CNBP: variants seen among roughly 807,000 people sequenced by gnomAD.
CNBP encodes the protein cellular nucleic acid-binding protein.
In CNBP, 6 loss-of-function variants were observed where a neutral mutation model predicts 21.2. The ratio of observed to expected loss-of-function variants is 0.28; its 90% CI spans 0.16 to 0.56. CNBP has a LOEUF of 0.56. Ranked by LOEUF, CNBP falls within the 20% of genes least tolerant of loss-of-function variation. The pLI, the probability that CNBP is intolerant of heterozygous loss-of-function variation, is 0.93. For synonymous variants in CNBP, 61 were observed against 74.9 expected, an observed-to-expected ratio of 0.81 and a Z score of 0.96; for missense variants, 112 against 233.1, an observed-to-expected ratio of 0.48 and a Z score of 3.38.
At chr3:129,177,447 A>G (rs1937986078) in intron 1 of CNBP, among the ~76,000 whole-genome samples, 1 of 152,260 alleles carries the variant, frequency 6.6e-6, no homozygotes. Context: ...AAGGGAAATA[A>G]TAAAACTGAT....
chr3:129,172,636 GCAGGCAGGCAGGCAGGCAGGCAGACAGA>G (rs1458257345), intron 1 of CNBP, among the ~76,000 whole-genome samples: 4 of 46,396 alleles, frequency 8.6e-5, no homozygotes, highest in Admixed American at 2.0e-4. Context: ...AGGCAGGCAG[GCAGGCAGGCAGGCAGGCAGGCAGACAGA>G]CAGACAGACA....
At chr3:129,171,982 T>G (rs750720475) in intron 1 of CNBP, among the ~76,000 whole-genome samples, 2 of 152,034 alleles carry the variant, frequency 1.3e-5, no homozygotes, top group Non-Finnish European at 2.9e-5. Flanking sequence ...CCATCTTGGC[T>G]AACATGGTGA....
At position 129,169,955 on chromosome 3, in the gene CNBP, C is replaced by A; in HGVS notation, c.*498G>T. ...AACAGCCATTAACACGCATGTTTAT[C>A]TTTTTGTTTACTCCCACTCAACTGT... On this transcript the variant is annotated 3_prime_UTR_variant, in exon 5 of 5. Transcript: ENST00000422453. 1 of 232,584 alleles carries A rather than the reference C, an allele frequency of 4.3e-6. No homozygotes were observed. The highest frequency in any genetic ancestry group is 8.5e-6 in the Non-Finnish European group (1 of 117,482). The allele number at this position is 232,584 out of a possible 1,614,324, so 14.4% of individuals were successfully genotyped here.
chr3:129,172,660 A>AGGCAGGCAGGCAGGCAGGCAGG, intron 1 of CNBP, among the ~76,000 whole-genome samples: 1 of 113,770 alleles, frequency 8.8e-6, no homozygotes, highest in African/African-American at 3.4e-5. Context: ...AGGCAGGCAG[A>AGGCAGGCAGGCAGGCAGGCAGG]CAGACAGACA....
At chr3:129,182,655 C>T (rs1938381515) in intron 1 of CNBP, among the ~76,000 whole-genome samples, 1 of 152,166 alleles carries the variant, frequency 6.6e-6, no homozygotes, top group Non-Finnish European at 1.5e-5. Context: ...TGCAGACTAC[C>T]GCCCGCTGCT....
In CNBP at chr3:129,170,560, T is replaced by A; in HGVS notation, c.427A>T (p.Thr143Ser). Residue 143 changes from threonine (T) to serine (S), a missense_variant, in exon 5 of 5, where the codon ACT (threonine) becomes TCT (serine). Thr to Ser is a moderately conservative substitution (Grantham distance 58). Coordinates refer to ENST00000422453, the MANE Select transcript of CNBP (RefSeq NM_003418.5). ...CTGCAGTTGATGGCTACATGACCAGTTTCACCACACCTAAAAAAGAAATTA... is the reference window on the plus strand; with the variant it reads ...CTGCAGTTGATGGCTACATGACCAGATTCACCACACCTAAAAAAGAAATTA... ...TKVKCYRCGETGHVAINCSKT... is the reference protein window; with the variant it reads ...TKVKCYRCGESGHVAINCSKT... 6.2e-7 allele frequency: 1 copy of A among 1,613,906 alleles called. No homozygotes were observed. Among genetic ancestry groups the A allele is most frequent in the South Asian group, 1.1e-5 (1 of 91,074 alleles).
chr3:129,179,475 T>C (rs1004013112), intron 1 of CNBP, among the ~76,000 whole-genome samples: 4 of 152,010 alleles, frequency 2.6e-5, no homozygotes, highest in Admixed American at 2.6e-4. Context: ...TCTTGAAGAG[T>C]TTTAACAGCT....
chr3:129,173,465 T>G (rs1481185974), intron 1 of CNBP, among the ~76,000 whole-genome samples: 4 of 152,226 alleles, frequency 2.6e-5, no homozygotes, highest in Non-Finnish European at 5.9e-5. Flanking sequence ...TGGCAACATT[T>G]GTGTTTTGTT....
At chr3:129,182,960 T>C (rs935911376) in intron 1 of CNBP, among the ~76,000 whole-genome samples, 3 of 151,748 alleles carry the variant, frequency 2.0e-5, no homozygotes, top group Non-Finnish European at 4.4e-5. Flanking sequence ...GTTTGTTTGT[T>C]TGTTTTTTTA....
chr3:129,178,385 A>C, intron 1 of CNBP, among the ~76,000 whole-genome samples: 1 of 152,210 alleles, frequency 6.6e-6, no homozygotes, highest in East Asian at 1.9e-4. Context: ...ATCTAACAGT[A>C]TGTGGTCAAG....
Position 129,170,352 on chromosome 3 carries a change from TG to T in CNBP, c.*100del. On this transcript the variant is annotated 3_prime_UTR_variant, in exon 5 of 5. Coordinates refer to ENST00000422453, the MANE Select transcript of CNBP (RefSeq NM_003418.5). ...ACACGGCAAGTAAAGCTCACTGGCCTGGGAGTTGCCTCTATCTGCCAACCTT... is the reference window on the plus strand; with the variant it reads ...ACACGGCAAGTAAAGCTCACTGGCCTGGAGTTGCCTCTATCTGCCAACCTT... 1.0e-6 allele frequency: 1 copy of T among 961,328 alleles called. No individual in the cohort carries two copies. Among genetic ancestry groups the T allele is most frequent in the Non-Finnish European group, 1.7e-6 (1 of 596,544 alleles). The allele number at this position is 961,328 out of a possible 1,614,324, so 59.5% of individuals were successfully genotyped here. A position where few individuals can be genotyped will look rare whatever the true frequency, so the allele number is the denominator to read the frequency against.
At chr3:129,175,759 G>A (rs1030698613) in intron 1 of CNBP, among the ~76,000 whole-genome samples, 10 of 152,130 alleles carry the variant, frequency 6.6e-5, no homozygotes, top group African/African-American at 2.4e-4. Context: ...ACATAATTTT[G>A]TTTACTAGAG....
intron 1 of CNBP, among the ~76,000 whole-genome samples, chr3:129,176,956 T>C (rs1037524618): frequency 6.6e-6 from 1 of 152,118 alleles, no homozygotes; most frequent in Admixed American, 6.6e-5. Flanking sequence ...AAATTAGATT[T>C]CAGATTATCT....
rs1355831775 is a variant in CNBP, at chr3:129,181,652, A to AAAAAAAAAAAAAAG, written c.-15+2123_-15+2124insCTTTTTTTTTTTTT. On this transcript the variant is annotated intron_variant, in intron 1 of 4. Coordinates refer to ENST00000422453, the MANE Select transcript of CNBP (RefSeq NM_003418.5). ...GCGACAGAGTGAGACTCCGTCTCAGAAAAAAAAAAAGAAAAACCCCTGGTC... is the reference window on the plus strand; with the variant it reads ...GCGACAGAGTGAGACTCCGTCTCAGAAAAAAAAAAAAAAGAAAAAAAAAAGAAAAACCCCTGGTC... Among the ~76,000 whole-genome samples the AAAAAAAAAAAAAAG allele has an allele frequency of 4.0e-5, 6 of 148,326 alleles. 1 individual carries two copies. Among genetic ancestry groups the AAAAAAAAAAAAAAG allele is most frequent in the Non-Finnish European group, 7.5e-5 (5 of 67,060 alleles).
At chr3:129,172,624 C>A (rs55708962) in intron 1 of CNBP, among the ~76,000 whole-genome samples, 3,220 of 55,962 alleles carry the variant, frequency 0.058, 179 homozygotes, top group East Asian at 0.21. Flanking sequence ...AGACAGGCAG[C>A]CAGGCAGGCA....
Position 129,171,161 on chromosome 3 carries a change from C to T in CNBP, c.334G>A (p.Asp112Asn), listed in dbSNP as rs748114678. Residue 112 changes from aspartate (D) to asparagine (N), a missense_variant, in exon 4 of 5, where the codon GAC (aspartate) becomes AAC (asparagine). Coordinates refer to ENST00000422453, the MANE Select transcript of CNBP (RefSeq NM_003418.5). ...GKPGHLARDC[D>N]HADEQKCYSC... ...TAGCATTTCTGCTCATCTGCATGGTCGCAGTCACGAGCCAGATGGCCTGGT... is the reference window on the plus strand; with the variant it reads ...TAGCATTTCTGCTCATCTGCATGGTTGCAGTCACGAGCCAGATGGCCTGGT... The T allele has an allele frequency of 4.3e-6, 7 of 1,614,098 alleles. No individual in the cohort carries two copies. The highest frequency in any genetic ancestry group is 4.5e-5 in the East Asian group (2 of 44,902).
rs143447614 is a variant in CNBP, at chr3:129,168,940, C to A, written c.*1513G>T. The stretch of plus-strand genomic sequence containing the variant: ...TGAAACCCCGTCTTTACTAAAAATA[C>A]AAAAAAAAAAAATTAGCTGGGCGCG... On this transcript the variant is annotated 3_prime_UTR_variant, in exon 5 of 5. Transcript: ENST00000422453. Among the ~76,000 whole-genome samples, 19 of 144,032 alleles carry A rather than the reference C, an allele frequency of 1.3e-4. No homozygotes were observed. Among genetic ancestry groups the A allele is most frequent in the Non-Finnish European group, 1.7e-4 (11 of 66,172 alleles). The allele number at this position is 144,032 out of a possible 152,430, so 94.5% of individuals were successfully genotyped here.
chr3:129,177,330 A>G (rs1937975805), intron 1 of CNBP, among the ~76,000 whole-genome samples: 1 of 152,162 alleles, frequency 6.6e-6, no homozygotes, highest in African/African-American at 2.4e-5. Context: ...TGACACTGTA[A>G]GAGATTTTGG....
At chr3:129,183,011 G>A (rs753991054) in intron 1 of CNBP, among the ~76,000 whole-genome samples, 5 of 151,944 alleles carry the variant, frequency 3.3e-5, no homozygotes, top group African/African-American at 1.2e-4. Context: ...GAGTGTAGTG[G>A]CGCGATCTCG....
Sources: allele counts gnomAD v4.1 joint callset (sites outside exome capture counted in the v4.1 genomes callset), GRCh38; gene constraint gnomAD v4.1.1; transcripts MANE v1.5; gene names NCBI Gene and HGNC (gene_info 2026-07-23, HGNC 2026-07-21).